OSMR: variants seen among roughly 807,000 people sequenced by gnomAD.
OSMR encodes oncostatin-M-specific receptor subunit beta.
OSMR carries 81 observed loss-of-function variants against 99.9 expected under a neutral mutation model. The ratio of observed to expected loss-of-function variants is 0.81; its 90% CI spans 0.68 to 0.97. The LOEUF (loss-of-function observed/expected upper bound fraction) is 0.97, where lower values mean the gene tolerates loss of function less well. Among genes scored for constraint, OSMR ranks in the 50% least tolerant of loss-of-function variants. The probability of loss-of-function intolerance (pLI) is 0.00; values close to 1 mark genes in which losing one functional copy is unlikely to be tolerated. For synonymous variants in OSMR, 406 were observed against 410.4 expected (o/e 0.99, Z 0.13); for missense variants, 1,099 against 1,153.4 (o/e 0.95, Z 0.68).
intron 3 of OSMR, among the ~76,000 whole-genome samples, chr5:38,876,631 G>A (rs1365381704): frequency 2.6e-5 from 4 of 152,204 alleles, no homozygotes; most frequent in South Asian, 2.1e-4. Flanking sequence ...TAAGAAGACT[G>A]TTGAGTCTGT....
intron 1 of OSMR, among the ~76,000 whole-genome samples, chr5:38,864,429 T>A (rs1231563517): frequency 6.6e-6 from 1 of 152,172 alleles, no homozygotes; most frequent in Non-Finnish European, 1.5e-5. Context: ...GCATTTCTTG[T>A]AGGGCTGGTG....
chr5:38,862,418 G>GA (rs1741499264), intron 1 of OSMR, among the ~76,000 whole-genome samples: 2 of 138,404 alleles, frequency 1.4e-5, no homozygotes, highest in Admixed American at 1.4e-4. Context: ...CCGGGCGGGG[G>GA]CTGACCCCCC....
rs1747870541 is a variant in OSMR at position 38,943,787 on chromosome 5, T to C, written c.75-414T>C. 1.3e-5 allele frequency among the ~76,000 whole-genome samples: 2 copies of C among 152,104 alleles called. 1 individual carries two copies. The highest frequency in any genetic ancestry group is 4.1e-4 in the South Asian group (2 of 4,822). ...GAGATTGCACCACTGCACTCCAGCCTGGGTGACAGAGCAAGACTCCGTCTC... is the reference window on the plus strand; with the variant it reads ...GAGATTGCACCACTGCACTCCAGCCCGGGTGACAGAGCAAGACTCCGTCTC... On this transcript the variant is annotated intron_variant and NMD_transcript_variant, in intron 1 of 2. Coordinates refer to the OSMR transcript ENST00000508882.
At chr5:38,899,374 A>G (rs1744743449) in intron 7 of OSMR, among the ~76,000 whole-genome samples, 1 of 152,110 alleles carries the variant, frequency 6.6e-6, no homozygotes, top group African/African-American at 2.4e-5. Context: ...GCCAGCCAAG[A>G]GCCAAGGCCT....
Position 38,883,912 on chromosome 5 carries a change from C to A in OSMR, c.504C>A (p.Tyr168Ter). The A allele has an allele frequency of 6.2e-7, 1 of 1,613,354 alleles. No homozygotes were observed. The highest frequency in any genetic ancestry group is 8.5e-7 in the Non-Finnish European group (1 of 1,179,478). ...VEEGTNVTIC[Y>*]VSRNIQNNVS... is the part of the protein sequence containing the mutation. ...AAGGCACCAATGTTACCATTTGTTA[C>A]GTTTCTAGGAACATTCAAAATAATG... Residue 168 changes from tyrosine (Y) to a stop codon, truncating the protein, a stop_gained, in exon 5 of 18, where the codon TAC becomes TAA. Coordinates refer to ENST00000274276, the MANE Select transcript of OSMR (RefSeq NM_003999.3). LOFTEE classifies it high-confidence loss of function.
At chr5:38,928,199 C>A (rs950576451) in intron 15 of OSMR, among the ~76,000 whole-genome samples, 4 of 152,166 alleles carry the variant, frequency 2.6e-5, no homozygotes, top group Admixed American at 2.0e-4. Context: ...TCCAAACTTT[C>A]CCACATCTTC....
At chr5:38,877,610 G>A (rs1742940370) in intron 3 of OSMR, among the ~76,000 whole-genome samples, 1 of 152,038 alleles carries the variant, frequency 6.6e-6, no homozygotes, top group Non-Finnish European at 1.5e-5. Context: ...GGTAATTTGG[G>A]CCCGGTAAAA....
intron 7 of OSMR, among the ~76,000 whole-genome samples, chr5:38,888,978 T>G (rs1329750454): frequency 6.6e-6 from 1 of 152,160 alleles, no homozygotes; most frequent in Non-Finnish European, 1.5e-5. Flanking sequence ...TTGAGTATCG[T>G]GAATTTTATT....
At chr5:38,863,227 G>A (rs1408965584) in intron 1 of OSMR, among the ~76,000 whole-genome samples, 1 of 111,804 alleles carries the variant, frequency 8.9e-6, no homozygotes, top group East Asian at 2.6e-4. Context: ...GAGGGGGAGA[G>A]ATGATTTTGG....
chr5:38,937,854 C>T (rs574403659), downstream of OSMR: 1 of 172,706 alleles, frequency 5.8e-6, no homozygotes, highest in East Asian at 1.0e-4. This position sits in a 1 kb window ranked among gnomAD's most constrained non-coding sequence, Gnocchi z 4.0. Context: ...ATCGGCATTA[C>T]AGGACTCAAA....
At chr5:38,906,945 T>A (rs1300734104) in intron 9 of OSMR, among the ~76,000 whole-genome samples, 3 of 152,226 alleles carry the variant, frequency 2.0e-5, no homozygotes, top group African/African-American at 7.2e-5. Flanking sequence ...GTTAATTTCG[T>A]GACAGTTGCT....
At chr5:38,915,310 AG>A (rs1745831462) in intron 9 of OSMR, among the ~76,000 whole-genome samples, 1 of 152,242 alleles carries the variant, frequency 6.6e-6, no homozygotes, top group South Asian at 2.1e-4. Flanking sequence ...TTTGAAATAT[AG>A]TAAACCCTAT....
intron 1 of OSMR, among the ~76,000 whole-genome samples, chr5:38,861,134 A>G (rs1741256251): frequency 6.6e-6 from 1 of 151,934 alleles, no homozygotes; most frequent in Admixed American, 6.6e-5. Context: ...TTTTTTTGAA[A>G]TTTTTATTGA....
intron 7 of OSMR, among the ~76,000 whole-genome samples, chr5:38,898,333 C>A (rs528165194): frequency 1.3e-5 from 2 of 152,128 alleles, no homozygotes; most frequent in East Asian, 3.9e-4. Flanking sequence ...GGATTGACCC[C>A]TTTATAATTA....
chr5:38,886,603 GTAA>G (rs1212192485), intron 7 of OSMR: 11 of 163,754 alleles, frequency 6.7e-5, no homozygotes, highest in African/African-American at 1.9e-4. Context: ...CAAGCTGTAT[GTAA>G]TAATTCAGTA....
intron 7 of OSMR, among the ~76,000 whole-genome samples, chr5:38,890,846 C>A (rs1018755760): frequency 2.0e-5 from 3 of 152,022 alleles, no homozygotes; most frequent in Non-Finnish European, 4.4e-5. Context: ...AGCCTGGGGA[C>A]GTTGAATGAT....
chr5:38,930,536 G>A (rs1176764179), intron 15 of OSMR, among the ~76,000 whole-genome samples: 3 of 152,166 alleles, frequency 2.0e-5, no homozygotes, highest in Non-Finnish European at 2.9e-5. Flanking sequence ...ATGTAGATGT[G>A]AATAACTTAA....
At chr5:38,922,210 C>T (rs1461779916) in intron 12 of OSMR, among the ~76,000 whole-genome samples, 1 of 152,162 alleles carries the variant, frequency 6.6e-6, no homozygotes, top group Non-Finnish European at 1.5e-5. Flanking sequence ...TGTTCTCTTA[C>T]CTCCCACATT....
chr5:38,898,520 G>A (rs1744672638), intron 7 of OSMR, among the ~76,000 whole-genome samples: 1 of 152,162 alleles, frequency 6.6e-6, no homozygotes, highest in South Asian at 2.1e-4. Context: ...ATAGGCAACA[G>A]ATCATTGGGT....
Sources: gnomAD v4.1 joint callset for allele counts (sites outside exome capture counted in the v4.1 genomes callset) on GRCh38, gnomAD v4.1.1 for gene constraint, Gnocchi (gnomAD v3.1) non-coding constraint, MANE v1.5 for transcripts, NCBI Gene and HGNC (gene_info 2026-07-23, HGNC 2026-07-21) for gene names.